Variants in YAF2 observed in about 807,000 individuals in gnomAD.
YAF2 encodes the protein YY1 associated factor 2, also known as YY1-associated factor 2.
YAF2 carries 7 observed loss-of-function variants against 20.1 expected under a neutral mutation model. That is an observed-to-expected ratio of 0.35 (90% CI 0.20 to 0.65). The LOEUF (loss-of-function observed/expected upper bound fraction) is 0.65, where lower values mean the gene tolerates loss of function less well. Ranked by LOEUF, YAF2 falls within the 30% of genes least tolerant of loss-of-function variation. The pLI is 0.69. For synonymous variants in YAF2, 74 were observed against 76.0 expected, an observed-to-expected ratio of 0.97 and a Z score of 0.14; for missense variants, 151 against 219.2, an observed-to-expected ratio of 0.69 and a Z score of 1.96.
At chr12:42,192,997 T>C (rs2066653798) in intron 2 of YAF2, among the ~76,000 whole-genome samples, 2 of 152,150 alleles carry the variant, frequency 1.3e-5, no homozygotes, top group South Asian at 4.1e-4. Flanking sequence ...ACAAACCTAT[T>C]GTGCTGCCTG....
chr12:42,207,659 G>A lies in YAF2; in HGVS notation c.152+29940C>T, dbSNP rs374000663. Among the ~76,000 whole-genome samples, 27 of 152,266 alleles carry A rather than the reference G, an allele frequency of 1.8e-4. No individual in the cohort carries two copies. The East Asian group carries it at 2.9e-3, about 16-fold the overall frequency. ...TGTAATCCCAGCACTTTGGGAGGCC[G>A]AGGCGGGCAGATCACAAGGTCAGGC... is the stretch of plus-strand genomic sequence containing the variant. On this transcript the variant is annotated intron_variant, in intron 2 of 3. Transcript: ENST00000534854.
At chr12:42,202,725 G>A (rs1264727848) in intron 2 of YAF2, among the ~76,000 whole-genome samples, 4 of 152,054 alleles carry the variant, frequency 2.6e-5, no homozygotes, top group South Asian at 2.1e-4. Context: ...TGCAACCTCC[G>A]CCTCCCAGGT....
At chr12:42,228,406 G>A (rs1269735954) in intron 2 of YAF2, among the ~76,000 whole-genome samples, 8 of 54,988 alleles carry the variant, frequency 1.5e-4, no homozygotes, top group African/African-American at 2.1e-4. Flanking sequence ...CCGGCCAGCC[G>A]CCCCGTCCGG....
In YAF2 at chr12:42,237,633, T is replaced by C. The variant is rs753364567; in HGVS notation, c.118A>G (p.Met40Val). 1.9e-6 allele frequency: 3 copies of C among 1,564,320 alleles called. No homozygotes were observed. The highest frequency in any genetic ancestry group is 2.6e-6 in the Non-Finnish European group (3 of 1,155,982). The part of the protein sequence containing the change: ...FRNSAEAFKC[M>V]MCDVRKGTST... ...GTGCCCTTCCGCACATCGCACATCA[T>C]GCACTTGAAGGCCTCGGCGCTGTTC... Residue 40 changes from methionine (M) to valine (V), a missense_variant, in exon 2 of 4, where the codon ATG (methionine) becomes GTG (valine). By Grantham distance (21) the Met-to-Val change is conservative. Transcript: ENST00000534854.
intron 2 of YAF2, chr12:42,231,638 A>G (rs753305603): frequency 2.0e-5 from 3 of 152,220 alleles, no homozygotes; most frequent in Non-Finnish European, 2.9e-5. Context: ...AAAATCATAC[A>G]TCGGTAACTA....
chr12:42,178,613 A>G (rs1444380503), intron 2 of YAF2, among the ~76,000 whole-genome samples: 2 of 151,996 alleles, frequency 1.3e-5, no homozygotes, highest in Non-Finnish European at 2.9e-5. Flanking sequence ...TCCCATTTTC[A>G]TTTTTATTTT....
chr12:42,163,233 G>A (rs1022302253), intron 2 of YAF2, among the ~76,000 whole-genome samples: 1 of 152,126 alleles, frequency 6.6e-6, no homozygotes. Context: ...TAAAGTTTGA[G>A]ATGGAGAGCA....
chr12:42,214,336 A>G (rs145380623), intron 2 of YAF2, among the ~76,000 whole-genome samples: 12 of 152,140 alleles, frequency 7.9e-5, no homozygotes, highest in Non-Finnish European at 1.5e-4. Flanking sequence ...CAGTGGCACA[A>G]TCTCAGCTCA....
At chr12:42,223,065 A>G (rs1467427199) in intron 2 of YAF2, among the ~76,000 whole-genome samples, 1 of 151,786 alleles carries the variant, frequency 6.6e-6, no homozygotes, top group African/African-American at 2.4e-5. Flanking sequence ...ATACACTTCC[A>G]TTTGCTCATC....
intron 2 of YAF2, among the ~76,000 whole-genome samples, chr12:42,163,727 T>C (rs573182223): frequency 1.5e-3 from 221 of 152,326 alleles, no homozygotes; most frequent in Non-Finnish European, 2.9e-3. Flanking sequence ...AACATAAATG[T>C]ATATAGTTCA....
Position 42,160,518 on chromosome 12 carries a change from G to C in YAF2, c.*71C>G. 2.7e-6 allele frequency: 3 copies of C among 1,124,788 alleles called. No individual in the cohort carries two copies. The highest frequency in any genetic ancestry group is 3.9e-6 in the Non-Finnish European group (3 of 767,282). The allele number at this position is 1,124,788 out of a possible 1,614,324, so 69.7% of individuals were successfully genotyped here. On this transcript the variant is annotated 3_prime_UTR_variant, in exon 4 of 4. Coordinates refer to ENST00000534854, the MANE Select transcript of YAF2 (RefSeq NM_005748.6). ...TGAATGTATCTGTCATGAAAATGTG[G>C]TACCTCTTGGCATAATCTGTGTATT... is the stretch of plus-strand genomic sequence containing the variant.
At chr12:42,231,380 T>C (rs1400646729) in intron 2 of YAF2, 1 of 152,210 alleles carries the variant, frequency 6.6e-6, no homozygotes, top group Non-Finnish European at 1.5e-5. Flanking sequence ...TGTTGCAATA[T>C]GTTGTTTTGG....
chr12:42,186,446 G>A (rs1274631555), intron 2 of YAF2, among the ~76,000 whole-genome samples: 1 of 151,924 alleles, frequency 6.6e-6, no homozygotes, highest in Non-Finnish European at 1.5e-5. Context: ...GGGGGGCAGA[G>A]GGGTGGATCA....
intron 2 of YAF2, among the ~76,000 whole-genome samples, chr12:42,227,647 T>C (rs1221356313): frequency 3.4e-5 from 5 of 145,742 alleles, no homozygotes; most frequent in Admixed American, 2.7e-4. Flanking sequence ...GCCCAGCAGC[T>C]GCCCCGTCTG....
intron 2 of YAF2, among the ~76,000 whole-genome samples, chr12:42,170,721 C>T (rs1185154658): frequency 6.6e-6 from 1 of 152,092 alleles, no homozygotes; most frequent in Non-Finnish European, 1.5e-5. Context: ...TGGCAAGCAC[C>T]TTTAGTCCCA....
chr12:42,223,082 C>T (rs930153253), intron 2 of YAF2, among the ~76,000 whole-genome samples: 1 of 151,998 alleles, frequency 6.6e-6, no homozygotes, highest in African/African-American at 2.4e-5. Context: ...CATCAAACAA[C>T]CCTATGAGAC....
chr12:42,177,949 C>G (rs987347324), intron 2 of YAF2, among the ~76,000 whole-genome samples: 1 of 152,070 alleles, frequency 6.6e-6, no homozygotes, highest in Admixed American at 6.6e-5. Context: ...TACTACATTA[C>G]ATATTATTAT....
intron 2 of YAF2, chr12:42,235,350 T>C: frequency 9.8e-7 from 1 of 1,017,378 alleles, no homozygotes; most frequent in Non-Finnish European, 1.2e-6. Flanking sequence ...CTGCAGTCCT[T>C]TAATCTTGTT....
intron 2 of YAF2, among the ~76,000 whole-genome samples, chr12:42,184,301 A>G (rs371609080): frequency 6.6e-6 from 1 of 152,040 alleles, no homozygotes; most frequent in South Asian, 2.1e-4. Flanking sequence ...TCAACTTTAA[A>G]GACTTATTAT....
Sources: allele counts gnomAD v4.1 joint callset (sites outside exome capture counted in the v4.1 genomes callset), GRCh38; gene constraint gnomAD v4.1.1; transcripts MANE v1.5; gene names NCBI Gene and HGNC (gene_info 2026-07-23, HGNC 2026-07-21).